TBXAS1: variants seen among roughly 807,000 people sequenced by gnomAD.
The protein encoded by TBXAS1 is thromboxane-A synthase.
Under a neutral mutation model 60.7 loss-of-function variants are expected in TBXAS1, and 48 were observed. The ratio of observed to expected loss-of-function variants is 0.79; its 90% CI spans 0.63 to 1.01. The LOEUF (loss-of-function observed/expected upper bound fraction) is 1.01, where lower values mean the gene tolerates loss of function less well. Among genes scored for constraint, TBXAS1 ranks in the 50% least tolerant of loss-of-function variants. The pLI, the probability that TBXAS1 is intolerant of heterozygous loss-of-function variation, is 0.00. For missense variants in TBXAS1, 685 were observed against 686.3 expected (o/e 1.00, Z 0.02); for synonymous variants, 287 against 269.7 (o/e 1.06, Z -0.63).
At chr7:139,971,554 T>C (rs1584980774) in intron 9 of TBXAS1, among the ~76,000 whole-genome samples, 1 of 152,202 alleles carries the variant, frequency 6.6e-6, no homozygotes, top group Non-Finnish European at 1.5e-5. Context: ...AGGCAGGCTG[T>C]GCCTCCCAGA....
chr7:139,892,862 C>G (rs1178757573), intron 3 of TBXAS1, among the ~76,000 whole-genome samples: 1 of 152,074 alleles, frequency 6.6e-6, no homozygotes, highest in Non-Finnish European at 1.5e-5. Flanking sequence ...CATGGGTCCT[C>G]TCACCCTCAT....
At chr7:139,830,659 T>C (rs1010564161) in intron 1 of TBXAS1, among the ~76,000 whole-genome samples, 33 of 152,036 alleles carry the variant, frequency 2.2e-4, no homozygotes, top group African/African-American at 7.5e-4. Context: ...TCCATCTCAA[T>C]GTGTTTTTAT....
chr7:139,781,700 C>T (rs949717655), intron 2 of TBXAS1, among the ~76,000 whole-genome samples: 18 of 151,770 alleles, frequency 1.2e-4, no homozygotes, highest in African/African-American at 3.1e-4. Flanking sequence ...CCAGACGTGG[C>T]GGTGGGCACC....
chr7:139,856,922 G>C (rs1800622733), intron 1 of TBXAS1, among the ~76,000 whole-genome samples: 1 of 152,152 alleles, frequency 6.6e-6, no homozygotes, highest in Non-Finnish European at 1.5e-5. Flanking sequence ...CAACACCAAT[G>C]GAGGCTTTGA....
At chr7:139,957,548 G>T in intron 7 of TBXAS1, 86 bp from the exon 8 acceptor site, 4 of 1,595,750 alleles carry the variant, frequency 2.5e-6, no homozygotes, top group Non-Finnish European at 1.7e-6. Flanking sequence ...TTCCAGGCCC[G>T]CGTTTGCTTC....
intron 4 of TBXAS1, chr7:139,913,191 C>T (rs1437920633): frequency 2.9e-6 from 2 of 700,918 alleles, no homozygotes; most frequent in East Asian, 2.7e-5. Flanking sequence ...AGTTTAACTG[C>T]TTCTCTGCTG....
At chr7:139,868,610 A>C (rs1211808034) in intron 1 of TBXAS1, among the ~76,000 whole-genome samples, 3 of 151,198 alleles carry the variant, frequency 2.0e-5, no homozygotes, top group Middle Eastern at 3.4e-3. Context: ...CAGCCTTCCA[A>C]GTAGCTGGGA....
chr7:139,881,551 T>C (rs1183730648), intron 3 of TBXAS1, among the ~76,000 whole-genome samples: 1 of 152,206 alleles, frequency 6.6e-6, no homozygotes, highest in African/African-American at 2.4e-5. Flanking sequence ...CCTAGGTGTA[T>C]TTCTGATTTC....
In TBXAS1 at chr7:139,941,065, G is replaced by C. The variant is rs79702960; in HGVS notation, c.450+4758G>C. Among the ~76,000 whole-genome samples the C allele has an allele frequency of 2.0e-3, 312 of 152,330 alleles. 4 individuals carry two copies. In the Middle Eastern group the frequency reaches 0.024, roughly 12 times the overall value. ...CCACAGTGTTAGGAGATAGCTCAGA[G>C]ACTCTGAGCCACAGATACTCGGCTG... On this transcript the variant is annotated intron_variant, in intron 5 of 12. Transcript: ENST00000448866.
rs776971323 is a variant in TBXAS1, at chr7:139,904,995, C to CTTTCTT, written c.237-6229_237-6228insTTCTTT. 5.5e-5 allele frequency among the ~76,000 whole-genome samples: 7 copies of CTTTCTT among 128,048 alleles called. No individual in the cohort carries two copies. The South Asian group carries it at 9.9e-4, about 18-fold the overall frequency. 84.0% of individuals were successfully genotyped at this position (128,048 alleles called of 152,430 possible). A position where few individuals can be genotyped will look rare whatever the true frequency, so the allele number is the denominator to read the frequency against. On this transcript the variant is annotated intron_variant, in intron 3 of 12. Transcript: ENST00000448866. Reference sequence around the variant, plus strand: ...TACCTTTCTTTCTCTTTCTCTCTTTCTCTCTTTCTCTCTTTCTTTCTTTCT... The same window carrying CTTTCTT: ...TACCTTTCTTTCTCTTTCTCTCTTTCTTTCTTTCTCTTTCTCTCTTTCTTTCTTTCT...
intron 1 of TBXAS1, among the ~76,000 whole-genome samples, chr7:139,829,834 T>C (rs1225647663): frequency 2.0e-5 from 3 of 152,210 alleles, no homozygotes; most frequent in African/African-American, 7.2e-5. Context: ...TCCTCTGTCC[T>C]TGTTGGATTT....
chr7:139,883,086 C>A (rs974214870), intron 3 of TBXAS1, among the ~76,000 whole-genome samples: 1 of 152,122 alleles, frequency 6.6e-6, no homozygotes, highest in African/African-American at 2.4e-5. Context: ...AAGTTGTCCA[C>A]AGGACAACTA....
chr7:139,948,705 T>C (rs187607491), intron 5 of TBXAS1, among the ~76,000 whole-genome samples: 15 of 152,138 alleles, frequency 9.9e-5, no homozygotes, highest in Non-Finnish European at 1.6e-4. Flanking sequence ...CATCTGTGCA[T>C]GTGTGTGTGT....
In TBXAS1 at chr7:139,911,275, T is replaced by A; in HGVS notation, c.287T>A (p.Ile96Asn). The part of the protein sequence containing the change: ...MFIVISEPDM[I>N]KQVLVENFSN... Reference sequence around the variant, plus strand: ...ATTGTTATTTCTGAGCCAGACATGATCAAGCAGGTGTTGGTTGAGAACTTC... The same window carrying A: ...ATTGTTATTTCTGAGCCAGACATGAACAAGCAGGTGTTGGTTGAGAACTTC... The change falls in exon 4 of 13, where the codon ATC (isoleucine) becomes AAC (asparagine). Residue 96 changes from isoleucine to asparagine, a missense_variant. Transcript: ENST00000448866. The A allele has an allele frequency of 1.9e-6, 3 of 1,614,200 alleles. No individual in the cohort carries two copies. Among genetic ancestry groups the A allele is most frequent in the Non-Finnish European group, 2.5e-6 (3 of 1,180,038 alleles).
At chr7:140,017,629 G>T in intron 11 of TBXAS1, 42 bp from the exon 12 acceptor site, 1 of 1,609,444 alleles carries the variant, frequency 6.2e-7, no homozygotes, top group Non-Finnish European at 8.5e-7. Flanking sequence ...AGAGGGGAGG[G>T]AGCGGGTGTT....
chr7:140,013,863 G>A lies in TBXAS1; in HGVS notation c.1227-1860G>A, dbSNP rs1390118219. Among the ~76,000 whole-genome samples the A allele has an allele frequency of 1.3e-5, 2 of 152,208 alleles. No individual in the cohort carries two copies. The highest frequency in any genetic ancestry group is 2.9e-5 in the Non-Finnish European group (2 of 68,038). ...CCCAGGTCCTAAACTACCTCTCACT[G>A]TGCATCGCAAGTCACTGCCCATCTT... On this transcript the variant is annotated intron_variant, in intron 10 of 12. Transcript: ENST00000448866. This position sits in a 1 kb window ranked among gnomAD's most constrained non-coding sequence, Gnocchi z 4.2.
chr7:139,865,585 AAGG>A lies in TBXAS1; in HGVS notation c.90-6633_90-6631del, dbSNP rs1267186805. ...GGAATGAGGGGGAGGGAGGAAGAAG[AAGG>A]AGGAGGAGGAGGAGGAAGAGGAGGA... On this transcript the variant is annotated intron_variant, in intron 1 of 12. Transcript: ENST00000448866. Among the ~76,000 whole-genome samples, 440 of 51,130 alleles carry A rather than the reference AAGG, an allele frequency of 8.6e-3. 1 individual carries two copies. The highest frequency in any genetic ancestry group is 0.016 in the African/African-American group (201 of 12,264). The allele number at this position is 51,130 out of a possible 152,430, so 33.5% of individuals were successfully genotyped here.
chr7:139,998,834 T>G (rs2116326946), intron 9 of TBXAS1, among the ~76,000 whole-genome samples: 1 of 152,370 alleles, frequency 6.6e-6, no homozygotes, highest in East Asian at 1.9e-4. Context: ...ATTACATCTC[T>G]GCACCTAATC....
rs1809434393 is a variant in TBXAS1, at chr7:139,951,994, GAAAGAAAGAAAGAAAGAA to G, written c.451-1365_451-1348del. Among the ~76,000 whole-genome samples the G allele has an allele frequency of 1.1e-4, 16 of 148,914 alleles. No individual in the cohort carries two copies. In the Admixed American group the frequency reaches 1.1e-3, roughly 10 times the overall value. ...AGAAAGAAAGAAAGAAAGAAAGAAAGAAAGAAAGAAAGAAAGAAAAAGAAAGGAAGGAAGGAGGGAAGG... is the reference window on the plus strand; with the variant it reads ...AGAAAGAAAGAAAGAAAGAAAGAAAGAAAGAAAGGAAGGAAGGAGGGAAGG... On this transcript the variant is annotated intron_variant, in intron 5 of 12. Coordinates refer to ENST00000448866, the MANE Select transcript of TBXAS1 (RefSeq NM_001061.7).
Sources: allele counts gnomAD v4.1 joint callset (sites outside exome capture counted in the v4.1 genomes callset), GRCh38; gene constraint gnomAD v4.1.1; non-coding constraint Gnocchi (gnomAD v3.1); transcripts MANE v1.5; gene names NCBI Gene and HGNC (gene_info 2026-07-23, HGNC 2026-07-21).